ZNF514: variants seen among roughly 807,000 people sequenced by gnomAD.
ZNF514 encodes the protein zinc finger protein 514.
A neutral mutation model predicts 9.7 loss-of-function variants in ZNF514; 12 were observed. That is an observed-to-expected ratio of 1.24 (90% CI 0.79 to 2.01). The LOEUF (loss-of-function observed/expected upper bound fraction) is 2.01, where lower values mean the gene tolerates loss of function less well. Ranked by LOEUF, ZNF514 falls within the 30% of genes most tolerant of loss-of-function variation. The pLI, the probability that ZNF514 is intolerant of heterozygous loss-of-function variation, is 0.00. For synonymous variants in ZNF514, 158 were observed against 163.7 expected (o/e 0.97, Z 0.27); for missense variants, 467 against 465.5 (o/e 1.00, Z -0.03).
rs1323270927 is a variant in ZNF514, at chr2:95,150,270, G to GT, written c.218-4dup. The GT allele has an allele frequency of 4.2e-5, 39 of 936,258 alleles. No individual in the cohort carries two copies. In the African/African-American group the frequency reaches 1.3e-3, roughly 32 times the overall value. The allele number at this position is 936,258 out of a possible 1,614,324, so 58.0% of individuals were successfully genotyped here. ...GGATTTAGACCTTCTCTTCCAGTCT[G>GT]TTAAAAAAAAAAAAAAAAAAAGAAG... On this transcript the variant is annotated splice_region_variant and splice_polypyrimidine_tract_variant and intron_variant, in intron 4 of 4. Transcript: ENST00000295208.
At chr2:95,157,244 G>T in intron 2 of ZNF514, 107 bp downstream of exon 2, 2 of 616,576 alleles carry the variant, frequency 3.2e-6, no homozygotes, top group Non-Finnish European at 5.2e-6. Flanking sequence ...TGCAGAGACA[G>T]CATTGGGTCA....
chr2:95,132,171 CAGAG>C, the ZNF514 span, among the ~76,000 whole-genome samples: 19 of 98,826 alleles, frequency 1.9e-4, no homozygotes, highest in Admixed American at 4.0e-4. Context: ...AAAAAAAAAA[CAGAG>C]AGAGAAAATT....
the ZNF514 span, among the ~76,000 whole-genome samples, chr2:95,136,929 A>G: frequency 6.6e-6 from 1 of 152,212 alleles, no homozygotes; most frequent in Non-Finnish European, 1.5e-5. Flanking sequence ...AAACATATAT[A>G]CAGATAGCAG....
chr2:95,143,507 T>C (rs1186888522), downstream of ZNF514, among the ~76,000 whole-genome samples: 1 of 152,104 alleles, frequency 6.6e-6, no homozygotes, highest in Admixed American at 6.6e-5. Context: ...TAATCCCAGC[T>C]ACTCAGGAGG....
chr2:95,136,450 T>C, the ZNF514 span, among the ~76,000 whole-genome samples: 6 of 152,160 alleles, frequency 3.9e-5, no homozygotes, highest in African/African-American at 1.4e-4. Flanking sequence ...TTTCACCATG[T>C]TGGCCAGGCT....
chr2:95,126,240 G>A, the ZNF514 span, among the ~76,000 whole-genome samples: 4 of 151,596 alleles, frequency 2.6e-5, no homozygotes, highest in Admixed American at 6.6e-5. Context: ...GTGTAGTGGC[G>A]CACACTTGTA....
intron 2 of ZNF514, chr2:95,155,551 A>G (rs1481730422): frequency 6.6e-6 from 1 of 152,214 alleles, no homozygotes; most frequent in Non-Finnish European, 1.5e-5. Flanking sequence ...CTCCATCCAG[A>G]CTATCGCGCC....
chr2:95,126,392 A>AAAAAAGAAAG, the ZNF514 span, among the ~76,000 whole-genome samples: 19 of 84,448 alleles, frequency 2.2e-4, no homozygotes, highest in African/African-American at 1.0e-3. Flanking sequence ...AAAAAAAAAA[A>AAAAAAGAAAG]AAAGAAAGAA....
the ZNF514 span, among the ~76,000 whole-genome samples, chr2:95,124,747 C>T: frequency 6.6e-6 from 1 of 152,028 alleles, no homozygotes; most frequent in Non-Finnish European, 1.5e-5. Flanking sequence ...AAGCAATCCA[C>T]CCACCTCAGC....
downstream of ZNF514, among the ~76,000 whole-genome samples, chr2:95,141,815 CACA>C (rs1335163764): frequency 3.9e-5 from 6 of 152,106 alleles, no homozygotes. Flanking sequence ...TAAGAATTGA[CACA>C]ACAAGATGGC....
At chr2:95,127,685 G>A in the ZNF514 span, among the ~76,000 whole-genome samples, 2 of 151,918 alleles carry the variant, frequency 1.3e-5, no homozygotes, top group South Asian at 2.1e-4. Flanking sequence ...TGGCATGATC[G>A]CAGCTCACTG....
At position 95,150,267 on chromosome 2, in the gene ZNF514, TCTG is replaced by T; in HGVS notation, c.218-3_218-1del. ...CTTGGATTTAGACCTTCTCTTCCAG[TCTG>T]TTAAAAAAAAAAAAAAAAAAAGAAG... On this transcript the variant is annotated splice_acceptor_variant and splice_polypyrimidine_tract_variant and intron_variant, in intron 4 of 4. Transcript: ENST00000295208. LOFTEE classifies it high-confidence loss of function. 1 of 1,434,636 alleles carries T rather than the reference TCTG, an allele frequency of 7.0e-7. No individual in the cohort carries two copies. The highest frequency in any genetic ancestry group is 9.0e-7 in the Non-Finnish European group (1 of 1,110,330). 88.9% of individuals were successfully genotyped at this position (1,434,636 alleles called of 1,614,324 possible). A position where few individuals can be genotyped will look rare whatever the true frequency, so the allele number is the denominator to read the frequency against.
chr2:95,150,994 G>T (rs1340328287), intron 4 of ZNF514, among the ~76,000 whole-genome samples: 2 of 152,140 alleles, frequency 1.3e-5, no homozygotes, highest in Non-Finnish European at 2.9e-5. Flanking sequence ...CCTCCACGAA[G>T]TATTCTTTTA....
In ZNF514 at chr2:95,146,143, C is replaced by T. The variant is rs1673353146; in HGVS notation, c.*3139G>A. ...GGCAAATGCTGGTCAACTGTGCCTA[C>T]AGGTCACTCATATTTATCTCAGAAT... is the stretch of plus-strand genomic sequence containing the variant. On this transcript the variant is annotated 3_prime_UTR_variant, in exon 5 of 5. Transcript: ENST00000295208. Among the ~76,000 whole-genome samples, 1 of 152,210 alleles carries T rather than the reference C, an allele frequency of 6.6e-6. No homozygotes were observed. Among genetic ancestry groups the T allele is most frequent in the Non-Finnish European group, 1.5e-5 (1 of 68,034 alleles).
Position 95,149,678 on chromosome 2 carries a change from G to T in ZNF514, c.807C>A (p.Phe269Leu), listed in dbSNP as rs764885239. ...PYECSECGRAFSQSSSLVLHY... is the reference protein window; with the variant it reads ...PYECSECGRALSQSSSLVLHY... ...GCAGAACAAGAGACGAACTCTGGCTGAAGGCTCTCCCACATTCACTGCATT... is the reference window on the plus strand; with the variant it reads ...GCAGAACAAGAGACGAACTCTGGCTTAAGGCTCTCCCACATTCACTGCATT... The change falls in exon 5 of 5, where the codon TTC (phenylalanine) becomes TTA (leucine). Residue 269 changes from phenylalanine (F) to leucine (L), a missense_variant. Physicochemically the swap from Phe to Leu is conservative, Grantham distance 22. Transcript: ENST00000295208. 1 of 1,614,210 alleles carries T rather than the reference G, an allele frequency of 6.2e-7. No individual in the cohort carries two copies. Among genetic ancestry groups the T allele is most frequent in the South Asian group, 1.1e-5 (1 of 91,086 alleles).
At position 95,145,922 on chromosome 2, in the gene ZNF514, C is replaced by G. The variant is rs144186307; in HGVS notation, c.*3360G>C. ...TTGGTAATGTCCTCTTTAGGCTGCC[C>G]CAACCTGCTGCTGCTCCTGACAAGA... is the stretch of plus-strand genomic sequence containing the variant. On this transcript the variant is annotated 3_prime_UTR_variant, in exon 5 of 5. Transcript: ENST00000295208. 1.3e-5 allele frequency among the ~76,000 whole-genome samples: 2 copies of G among 152,264 alleles called. No homozygotes were observed. Among genetic ancestry groups the G allele is most frequent in the Non-Finnish European group, 2.9e-5 (2 of 68,020 alleles).
At chr2:95,131,190 C>T in the ZNF514 span, among the ~76,000 whole-genome samples, 3 of 152,192 alleles carry the variant, frequency 2.0e-5, no homozygotes, top group Non-Finnish European at 4.4e-5. Flanking sequence ...ATAATATGGA[C>T]TGCTGCCTTG....
Position 95,146,051 on chromosome 2 carries a change from G to C in ZNF514, c.*3231C>G, listed in dbSNP as rs1573372957. On this transcript the variant is annotated 3_prime_UTR_variant, in exon 5 of 5. Coordinates refer to ENST00000295208, the MANE Select transcript of ZNF514 (RefSeq NM_032788.3). Reference sequence around the variant, plus strand: ...CGTAAAACACTTTGATTTCTCTCAGGACTTACTGTCATGTTGTTATTGCTA... The same window carrying C: ...CGTAAAACACTTTGATTTCTCTCAGCACTTACTGTCATGTTGTTATTGCTA... 1.3e-5 allele frequency among the ~76,000 whole-genome samples: 2 copies of C among 152,166 alleles called. No individual in the cohort carries two copies. The highest frequency in any genetic ancestry group is 3.8e-4 in the East Asian group (2 of 5,200).
chr2:95,151,960 T>A (rs1673556638), intron 4 of ZNF514, among the ~76,000 whole-genome samples: 1 of 152,202 alleles, frequency 6.6e-6, no homozygotes, highest in Non-Finnish European at 1.5e-5. Context: ...TCTCAGGAAT[T>A]TAGCACCACT....
Sources: allele counts gnomAD v4.1 joint callset (sites outside exome capture counted in the v4.1 genomes callset), GRCh38; gene constraint gnomAD v4.1.1; transcripts MANE v1.5; gene names NCBI Gene and HGNC (gene_info 2026-07-23, HGNC 2026-07-21).